PCDHGB3: variants seen among roughly 807,000 people sequenced by gnomAD.
PCDHGB3 encodes protocadherin gamma-B3.
Under a neutral mutation model 59.2 loss-of-function variants are expected in PCDHGB3, and 40 were observed. The observed-to-expected ratio is 0.68, with a 90% confidence interval of 0.52 to 0.88. The LOEUF is 0.88. Ranked by LOEUF, PCDHGB3 falls within the 40% of genes least tolerant of loss-of-function variation. PCDHGB3 has a pLI of 0.00. For missense variants in PCDHGB3, 1,309 were observed against 1,187.9 expected (o/e 1.10, Z -1.50); for synonymous variants, 581 against 503.6 (o/e 1.15, Z -2.06).
intron 1 of PCDHGB3, among the ~76,000 whole-genome samples, chr5:141,451,410 G>T (rs1201545799): frequency 6.6e-6 from 1 of 152,190 alleles, no homozygotes; most frequent in East Asian, 1.9e-4. Context: ...TAAGTTCCTT[G>T]TGGATTGTTA....
chr5:141,418,938 C>A, intron 1 of PCDHGB3: 3 of 1,613,738 alleles, frequency 1.9e-6, no homozygotes, highest in Non-Finnish European at 2.5e-6. Flanking sequence ...ATGGAGGATT[C>A]CCCTCCAGGA....
chr5:141,410,287 C>T (rs1277233674), intron 1 of PCDHGB3: 1 of 1,614,018 alleles, frequency 6.2e-7, no homozygotes, highest in East Asian at 2.2e-5. Context: ...TGGTGGTGGC[C>T]TTGGCCTTAA....
At chr5:141,463,526 A>G (rs989086820) in intron 1 of PCDHGB3, among the ~76,000 whole-genome samples, 1 of 131,914 alleles carries the variant, frequency 7.6e-6, no homozygotes, top group Non-Finnish European at 1.5e-5. Flanking sequence ...TCGGCTTACT[A>G]GAAACTCCGG....
At chr5:141,382,592 A>G (rs1264942970) in intron 1 of PCDHGB3, 1 of 246,462 alleles carries the variant, frequency 4.1e-6, no homozygotes, top group Admixed American at 5.4e-5. Context: ...TTGAAAGATG[A>G]AACAATTTTC....
chr5:141,468,300 G>C (rs2099162063), intron 1 of PCDHGB3, among the ~76,000 whole-genome samples: 1 of 146,430 alleles, frequency 6.8e-6, no homozygotes, highest in Non-Finnish European at 1.5e-5. Flanking sequence ...ACCCCAGCCT[G>C]GGCAACAAGA....
In PCDHGB3 at chr5:141,432,068, C is replaced by G. The variant is rs1297096209; in HGVS notation, c.2415+59259C>G. ...AACCCCGCCCCTATCCACGGAAACT[C>G]ATATCTCGCTGAACGTGGCAGACAC... On this transcript the variant is annotated intron_variant, in intron 1 of 3. Transcript: ENST00000576222. The surrounding 1 kb of genome is among the most constrained non-coding windows in gnomAD (Gnocchi z 6.0). 6.2e-7 allele frequency: 1 copy of G among 1,614,210 alleles called. No individual in the cohort carries two copies. The highest frequency in any genetic ancestry group is 1.7e-5 in the Admixed American group (1 of 60,028).
Position 141,489,409 on chromosome 5 carries a change from A to T in PCDHGB3, c.2416-5398A>T. On this transcript the variant is annotated intron_variant, in intron 1 of 3. Transcript: ENST00000576222. The surrounding 1 kb of genome is among the most constrained non-coding windows in gnomAD (Gnocchi z 4.5). ...TGCTCAGGATCTGGGCTTAAAGATG[A>T]CAGATCTGTTGAGCCGGCGGCTGCA... 1.9e-6 allele frequency: 3 copies of T among 1,614,114 alleles called. No homozygotes were observed. The highest frequency in any genetic ancestry group is 2.5e-6 in the Non-Finnish European group (3 of 1,180,004).
chr5:141,403,007 C>T (rs774624797), intron 1 of PCDHGB3: 10 of 1,613,940 alleles, frequency 6.2e-6, no homozygotes, highest in Non-Finnish European at 8.5e-6. Context: ...GCTATGCTCG[C>T]TCCTGGGGAT....
chr5:141,433,091 A>G (rs1344906248), intron 1 of PCDHGB3: 2 of 1,614,182 alleles, frequency 1.2e-6, no homozygotes, highest in African/African-American at 1.3e-5. Flanking sequence ...CTATGCAGAC[A>G]TGCTCGTCAG....
intron 1 of PCDHGB3, among the ~76,000 whole-genome samples, chr5:141,458,339 T>A (rs1380637284): frequency 2.0e-5 from 3 of 150,846 alleles, no homozygotes; most frequent in Non-Finnish European, 3.0e-5. Context: ...TTTTAAGGAG[T>A]GGAGAGTTTA....
At chr5:141,478,247 G>T in intron 1 of PCDHGB3, 1 of 1,614,076 alleles carries the variant, frequency 6.2e-7, no homozygotes, top group Non-Finnish European at 8.5e-7. Context: ...CACAGTGTTC[G>T]GAGTAATCAT....
At position 141,485,430 on chromosome 5, in the gene PCDHGB3, T is replaced by C; in HGVS notation, c.2416-9377T>C. The C allele has an allele frequency of 6.2e-7, 1 of 1,614,138 alleles. No individual in the cohort carries two copies. Among genetic ancestry groups the C allele is most frequent in the Non-Finnish European group, 8.5e-7 (1 of 1,180,022 alleles). On this transcript the variant is annotated intron_variant, in intron 1 of 3. Transcript: ENST00000576222. The surrounding 1 kb of genome is among the most constrained non-coding windows in gnomAD (Gnocchi z 5.7). ...GATTTGGACAGCGGAGCCCTGCTCA[T>C]CAAGAACCCAATCGACCGAGAGGCA... is the stretch of plus-strand genomic sequence containing the variant.
intron 1 of PCDHGB3, among the ~76,000 whole-genome samples, chr5:141,396,932 T>C (rs2093455423): frequency 6.6e-6 from 1 of 152,230 alleles, no homozygotes; most frequent in Non-Finnish European, 1.5e-5. Flanking sequence ...CGGATGAAAG[T>C]TGCCCTGGTA....
intron 1 of PCDHGB3, among the ~76,000 whole-genome samples, chr5:141,481,245 T>C (rs1362728826): frequency 6.6e-6 from 1 of 152,194 alleles, no homozygotes; most frequent in East Asian, 1.9e-4. Context: ...TTACATAGCA[T>C]AGCTCTAAAA....
At chr5:141,374,140 C>G in intron 1 of PCDHGB3, 1 of 1,609,666 alleles carries the variant, frequency 6.2e-7, no homozygotes, top group Non-Finnish European at 8.5e-7. Flanking sequence ...TCCTCACGCT[C>G]CTGGGGACGC....
chr5:141,422,222 C>A (rs1453283842), intron 1 of PCDHGB3: 2 of 1,564,972 alleles, frequency 1.3e-6, no homozygotes, highest in South Asian at 1.2e-5. Flanking sequence ...TTTACCACCA[C>A]GACGATGTTG....
rs369791160 is a variant in PCDHGB3 at position 141,431,269 on chromosome 5, C to G, written c.2415+58460C>G. On this transcript the variant is annotated intron_variant, in intron 1 of 3. Transcript: ENST00000576222. This position sits in a 1 kb window ranked among gnomAD's most constrained non-coding sequence, Gnocchi z 4.8. ...TCGGGAAGAACTCTCTGCAGAGCTA[C>G]GAGCTCAGCCCGAACACTCACTTCT... 1.4e-5 allele frequency: 22 copies of G among 1,614,034 alleles called. No individual in the cohort carries two copies. The highest frequency in any genetic ancestry group is 2.7e-5 in the African/African-American group (2 of 74,954).
chr5:141,389,777 C>G (rs771585855), intron 1 of PCDHGB3: 68 of 1,613,174 alleles, frequency 4.2e-5, no homozygotes, highest in Non-Finnish European at 5.7e-5. Context: ...GTGCCTTAGG[C>G]GACAGGGACG....
intron 1 of PCDHGB3, chr5:141,393,911 T>C: frequency 3.7e-6 from 6 of 1,614,002 alleles, no homozygotes; most frequent in Non-Finnish European, 5.1e-6. Context: ...GGACAGTAAT[T>C]GCCTTCTTGA....
Sources: allele counts gnomAD v4.1 joint callset (sites outside exome capture counted in the v4.1 genomes callset), GRCh38; gene constraint gnomAD v4.1.1; non-coding constraint Gnocchi (gnomAD v3.1); transcripts MANE v1.5; gene names NCBI Gene and HGNC (gene_info 2026-07-23, HGNC 2026-07-21).